The following CLIC5 variants were observed in gnomAD, a reference collection of about 807,000 sequenced individuals.
The protein encoded by CLIC5 is chloride intracellular channel protein 5.
A neutral mutation model predicts 24.7 loss-of-function variants in CLIC5; 20 were observed. The observed-to-expected ratio is 0.81, with a 90% CI of 0.57 to 1.18. The LOEUF (loss-of-function observed/expected upper bound fraction) is 1.18, where lower values mean the gene tolerates loss of function less well. Among genes scored for constraint, CLIC5 ranks in the 50% most tolerant of loss-of-function variants. The probability of loss-of-function intolerance (pLI) is 0.00; values close to 1 mark genes in which losing one functional copy is unlikely to be tolerated. For missense variants in CLIC5, 341 were observed against 326.1 expected (o/e 1.05, Z -0.35); for synonymous variants, 159 against 135.6 (o/e 1.17, Z -1.20).
chr6:46,064,457 A>G (rs1048079296), intron 1 of CLIC5, among the ~76,000 whole-genome samples: 1 of 152,200 alleles, frequency 6.6e-6, no homozygotes, highest in Non-Finnish European at 1.5e-5. Flanking sequence ...CTAATATTAA[A>G]TCCAGACAAA....
chr6:46,061,167 A>ATTTTTG lies in CLIC5; in HGVS notation c.540+18530_540+18535dup, dbSNP rs767047041. On this transcript the variant is annotated intron_variant, in intron 1 of 5. Transcript: ENST00000185206. ...AATTGCTTAACCATCACCTTTATAGATTTTTGTTTTTGTTTTTGTTTGTTT... is the reference window on the plus strand; with the variant it reads ...AATTGCTTAACCATCACCTTTATAGATTTTTGTTTTTGTTTTTGTTTTTGTTTGTTT... Among the ~76,000 whole-genome samples, 51 of 151,616 alleles carry ATTTTTG rather than the reference A, an allele frequency of 3.4e-4. 1 individual carries two copies. Among genetic ancestry groups the ATTTTTG allele is most frequent in the Admixed American group, 2.0e-4 (3 of 15,224 alleles).
At chr6:45,938,689 G>C (rs1222207375) in intron 4 of CLIC5, among the ~76,000 whole-genome samples, 1 of 152,182 alleles carries the variant, frequency 6.6e-6, no homozygotes, top group African/African-American at 2.4e-5. Context: ...GGTGGAAACT[G>C]GCTTTGGACT....
At chr6:46,085,842 C>G in the CLIC5 span, among the ~76,000 whole-genome samples, 1 of 152,230 alleles carries the variant, frequency 6.6e-6, no homozygotes, top group African/African-American at 2.4e-5. Flanking sequence ...GCCCTGCCCC[C>G]AGAGGTGGAG....
At chr6:46,126,906 A>G in the CLIC5 span, among the ~76,000 whole-genome samples, 1 of 152,220 alleles carries the variant, frequency 6.6e-6, no homozygotes, top group Non-Finnish European at 1.5e-5. Flanking sequence ...ATAAAAGAGA[A>G]ATAATTGTAT....
At chr6:45,897,781 G>A (rs1762413673), downstream of CLIC5, among the ~76,000 whole-genome samples, 1 of 152,106 alleles carries the variant, frequency 6.6e-6, no homozygotes, top group South Asian at 2.1e-4. Flanking sequence ...GCAAGCCACT[G>A]AGAGCCAACA....
chr6:45,954,128 G>T (rs1764559723), intron 2 of CLIC5, among the ~76,000 whole-genome samples: 1 of 151,840 alleles, frequency 6.6e-6, no homozygotes, highest in Non-Finnish European at 1.5e-5. Context: ...ACAAAAATTA[G>T]CCTGTCATGG....
chr6:46,099,142 G>C, the CLIC5 span, among the ~76,000 whole-genome samples: 1 of 152,250 alleles, frequency 6.6e-6, no homozygotes, highest in Non-Finnish European at 1.5e-5. Context: ...ACACAAAACT[G>C]AGGGAAGAAG....
chr6:45,939,467 A>C (rs551482996), intron 4 of CLIC5, among the ~76,000 whole-genome samples: 2 of 152,114 alleles, frequency 1.3e-5, no homozygotes, highest in African/African-American at 4.8e-5. Flanking sequence ...GCTGGGATGT[A>C]GTCAAGAGCC....
chr6:45,957,392 T>C (rs568516546), intron 1 of CLIC5, among the ~76,000 whole-genome samples: 1 of 152,164 alleles, frequency 6.6e-6, no homozygotes, highest in South Asian at 2.1e-4. Context: ...CACAGAGAGA[T>C]AAAATAACTG....
At chr6:45,980,576 A>G (rs1765534956) in intron 1 of CLIC5, among the ~76,000 whole-genome samples, 1 of 152,168 alleles carries the variant, frequency 6.6e-6, no homozygotes, top group African/African-American at 2.4e-5. Flanking sequence ...AAAGTTGAAA[A>G]AGGAGAGAGA....
chr6:45,960,880 G>T lies in CLIC5; in HGVS notation c.64-5636C>A, dbSNP rs559857063. ...TCAAACCAGTGAGTTTCTGTGCCAG[G>T]TTCCAAACCACTTCTAAGTTTGTCC... On this transcript the variant is annotated intron_variant, in intron 1 of 5. Transcript: ENST00000339561. 5.8e-4 allele frequency among the ~76,000 whole-genome samples: 89 copies of T among 152,278 alleles called. 1 individual carries two copies. Among genetic ancestry groups the T allele is most frequent in the Admixed American group, 2.1e-3 (32 of 15,300 alleles).
At chr6:45,954,183 G>A (rs192379584) in intron 2 of CLIC5, among the ~76,000 whole-genome samples, 227 of 145,848 alleles carry the variant, frequency 1.6e-3, no homozygotes, top group Middle Eastern at 3.6e-3. Context: ...CTGAGGCAGA[G>A]AATTGCTTAA....
intron 1 of CLIC5, among the ~76,000 whole-genome samples, chr6:46,040,192 G>A (rs1767767577): frequency 6.6e-6 from 1 of 152,242 alleles, no homozygotes; most frequent in Non-Finnish European, 1.5e-5. Flanking sequence ...AGATAATGAT[G>A]ATGGTACTAG....
chr6:45,988,346 G>A (rs1765813349), intron 1 of CLIC5, among the ~76,000 whole-genome samples: 1 of 152,130 alleles, frequency 6.6e-6, no homozygotes, highest in Admixed American at 6.5e-5. Flanking sequence ...TGGCAGTTCT[G>A]CCCCCATGAC....
Position 45,955,133 on chromosome 6 carries a change from A to T in CLIC5, c.173+2T>A, listed in dbSNP as rs752989534. The T allele has an allele frequency of 3.7e-6, 6 of 1,605,788 alleles. No homozygotes were observed. Among genetic ancestry groups the T allele is most frequent in the Non-Finnish European group, 5.1e-6 (6 of 1,172,638 alleles). ...ACTCCTCATTTATGCAACGTACGTT[A>T]CCTTTTCAGATCCACAGTGGTGACA... On this transcript the variant is annotated splice_donor_variant, in intron 2 of 5. Transcript: ENST00000339561. LOFTEE classifies it high-confidence loss of function.
At chr6:46,086,573 C>T in the CLIC5 span, among the ~76,000 whole-genome samples, 1 of 152,050 alleles carries the variant, frequency 6.6e-6, no homozygotes, top group East Asian at 1.9e-4. Flanking sequence ...CTGTGGATGG[C>T]CTTGAATGCT....
intron 4 of CLIC5, among the ~76,000 whole-genome samples, chr6:45,941,333 T>C (rs554516486): frequency 8.6e-5 from 13 of 151,808 alleles, no homozygotes; most frequent in Non-Finnish European, 1.3e-4. Flanking sequence ...AAGCCTTTCC[T>C]CCTGCACCAG....
chr6:45,970,725 G>A (rs1449715349), intron 1 of CLIC5, among the ~76,000 whole-genome samples: 1 of 152,142 alleles, frequency 6.6e-6, no homozygotes, highest in Non-Finnish European at 1.5e-5. Flanking sequence ...CTGCTTTTCT[G>A]CCTGACTGGT....
intron 1 of CLIC5, among the ~76,000 whole-genome samples, chr6:46,059,829 CT>C (rs57074546): frequency 0.14 from 20,579 of 152,170 alleles, 1,492 homozygotes; most frequent in Middle Eastern, 0.17. Flanking sequence ...ATAATCACCC[CT>C]CTCACATAAG....
Sources: allele counts gnomAD v4.1 joint callset (sites outside exome capture counted in the v4.1 genomes callset), GRCh38; gene constraint gnomAD v4.1.1; transcripts MANE v1.5; gene names NCBI Gene and HGNC (gene_info 2026-07-23, HGNC 2026-07-21).